PRPF4: variants seen among roughly 807,000 people sequenced by gnomAD.
PRPF4 encodes U4/U6 small nuclear ribonucleoprotein Prp4.
A neutral mutation model predicts 72.2 loss-of-function variants in PRPF4; 14 were observed. That is an observed-to-expected ratio of 0.19 (90% CI 0.13 to 0.30). PRPF4 has a LOEUF of 0.30. PRPF4 is among the 10% of genes least tolerant of loss of function. The pLI is 1.00. For missense variants in PRPF4, 478 were observed against 653.9 expected (o/e 0.73, Z 2.93); for synonymous variants, 225 against 232.2 (o/e 0.97, Z 0.28).
At chr9:113,278,918 T>C in intron 2 of PRPF4, 27 bp from the exon 3 acceptor site, 3 of 1,608,932 alleles carry the variant, frequency 1.9e-6, no homozygotes, top group Non-Finnish European at 2.6e-6. Flanking sequence ...GAAGATCTGC[T>C]GATGTTGCCT....
chr9:113,285,343 A>ATTTTTTTTTTTTTTTTTTTTTTT (rs71367713), intron 7 of PRPF4, among the ~76,000 whole-genome samples: 2 of 67,578 alleles, frequency 3.0e-5, no homozygotes, highest in Non-Finnish European at 5.9e-5. Context: ...GTCTCTACAA[A>ATTTTTTTTTTTTTTTTTTTTTTT]TTTTTTTTTT....
intron 3 of PRPF4, among the ~76,000 whole-genome samples, chr9:113,280,844 C>G (rs1010262554): frequency 6.6e-6 from 1 of 151,806 alleles, no homozygotes; most frequent in Non-Finnish European, 1.5e-5. Context: ...TTTTTTTCTT[C>G]CTTTTTTTTT....
At chr9:113,283,077 T>C in intron 4 of PRPF4, 55 bp from the exon 5 acceptor site, 3 of 1,612,084 alleles carry the variant, frequency 1.9e-6, no homozygotes, top group Non-Finnish European at 2.5e-6. Context: ...ATGACAGTTA[T>C]AAGAGGAGTA....
chr9:113,292,611 C>A lies in PRPF4; in HGVS notation c.*951C>A, dbSNP rs1395194989. ...TTGTCAGAAAATATCTTTTTTTTTACTTTGAAGTTTGGCAACCTTCATGTT... is the reference window on the plus strand; with the variant it reads ...TTGTCAGAAAATATCTTTTTTTTTAATTTGAAGTTTGGCAACCTTCATGTT... On this transcript the variant is annotated 3_prime_UTR_variant, in exon 14 of 14. Coordinates refer to ENST00000374198, the MANE Select transcript of PRPF4 (RefSeq NM_001244926.2). 2 of 152,010 alleles carry A rather than the reference C, an allele frequency of 1.3e-5. No individual in the cohort carries two copies. The highest frequency in any genetic ancestry group is 2.9e-5 in the Non-Finnish European group (2 of 67,978). 9.4% of individuals were successfully genotyped at this position (152,010 alleles called of 1,614,324 possible). A position where few individuals can be genotyped will look rare whatever the true frequency, so the allele number is the denominator to read the frequency against.
At chr9:113,284,180 G>C in intron 6 of PRPF4, 115 bp from the exon 7 acceptor site, 1 of 705,502 alleles carries the variant, frequency 1.4e-6, no homozygotes. Context: ...GAAGAATCTT[G>C]GGATGGGTTA....
chr9:113,286,316 C>T (rs370055409), intron 8 of PRPF4, 26 bp downstream of exon 8: 6 of 1,582,674 alleles, frequency 3.8e-6, no homozygotes, highest in South Asian at 1.1e-5. Flanking sequence ...ATCCAAATCT[C>T]GGTCTTTTTC....
intron 8 of PRPF4, 63 bp downstream of exon 8, chr9:113,286,353 ACT>A (rs1832449390): frequency 7.1e-7 from 1 of 1,405,730 alleles, no homozygotes; most frequent in Middle Eastern, 1.8e-4. Context: ...TAAGCCTTAA[ACT>A]CTGCTTGACA....
chr9:113,287,212 T>G (rs1015478875), intron 9 of PRPF4, among the ~76,000 whole-genome samples: 1 of 152,242 alleles, frequency 6.6e-6, no homozygotes, highest in African/African-American at 2.4e-5. Flanking sequence ...TGGATCTTGA[T>G]TTTTGTCTAT....
chr9:113,288,391 T>C, intron 10 of PRPF4, 127 bp downstream of exon 10: 1 of 839,566 alleles, frequency 1.2e-6, no homozygotes, highest in Non-Finnish European at 1.9e-6. Context: ...CTGCAGGGAA[T>C]TGGAATCAGA....
intron 7 of PRPF4, 93 bp downstream of exon 7, chr9:113,284,482 C>G (rs1832377229): frequency 1.9e-6 from 2 of 1,035,986 alleles, no homozygotes; most frequent in Middle Eastern, 4.1e-4. Context: ...TTTCTACGTC[C>G]TCTTTCTCTG....
chr9:113,286,250 C>G lies in PRPF4; in HGVS notation c.768C>G (p.Leu256=). 1 of 1,614,112 alleles carries G rather than the reference C, an allele frequency of 6.2e-7. No individual in the cohort carries two copies. Among genetic ancestry groups the G allele is most frequent in the Non-Finnish European group, 8.5e-7 (1 of 1,179,996 alleles). ...TTGATAGGAGTGGGCTTTGCAAGCTCTGGTCTGTTCCTGATTGCAACCTCC... is the reference window on the plus strand; with the variant it reads ...TTGATAGGAGTGGGCTTTGCAAGCTGTGGTCTGTTCCTGATTGCAACCTCC... ...ATACWSGLCK[L]WSVPDCNLLH... The change falls in exon 8 of 14, where the codon CTC becomes CTG. Residue 256 remains leucine (L), a synonymous_variant. Transcript: ENST00000374198.
intron 6 of PRPF4, among the ~76,000 whole-genome samples, chr9:113,283,793 A>G (rs531518662): frequency 6.6e-5 from 10 of 152,294 alleles, no homozygotes; most frequent in African/African-American, 2.4e-4. Flanking sequence ...ACATCTGGGC[A>G]CAGTGGCTCA....
chr9:113,282,813 T>A, intron 4 of PRPF4, 80 bp downstream of exon 4: 1 of 1,235,342 alleles, frequency 8.1e-7, no homozygotes, highest in Non-Finnish European at 1.2e-6. Context: ...TTTCAATGGT[T>A]TGTTTTGCTG....
In PRPF4 at chr9:113,286,221, G is replaced by A. The variant is rs1364245474; in HGVS notation, c.750-11G>A. The A allele has an allele frequency of 5.0e-6, 8 of 1,613,924 alleles. No homozygotes were observed. The highest frequency in any genetic ancestry group is 6.8e-6 in the Non-Finnish European group (8 of 1,179,954). On this transcript the variant is annotated splice_polypyrimidine_tract_variant and intron_variant, in intron 7 of 13. Transcript: ENST00000374198. ...AACCCTGGCTGAGATGCTTTCCTTTGTATTTGATAGGAGTGGGCTTTGCAA... is the reference window on the plus strand; with the variant it reads ...AACCCTGGCTGAGATGCTTTCCTTTATATTTGATAGGAGTGGGCTTTGCAA...
intron 13 of PRPF4, 66 bp from the exon 14 acceptor site, chr9:113,291,401 T>C (rs1588020568): frequency 1.4e-6 from 2 of 1,465,078 alleles, no homozygotes; most frequent in Non-Finnish European, 1.9e-6. Context: ...TGCAGACTTT[T>C]GTGCTTTTGT....
Position 113,283,458 on chromosome 9 carries a change from G to A in PRPF4, c.630G>A (p.Met210Ile). The A allele has an allele frequency of 6.2e-7, 1 of 1,614,080 alleles. No homozygotes were observed. The highest frequency in any genetic ancestry group is 2.2e-5 in the East Asian group (1 of 44,884). The change falls in exon 6 of 14, where the codon ATG (methionine) becomes ATA (isoleucine). Residue 210 changes from methionine to isoleucine, a missense_variant. Met to Ile is a conservative substitution (Grantham distance 10). Coordinates refer to ENST00000374198, the MANE Select transcript of PRPF4 (RefSeq NM_001244926.2). ...EIPETTRTSQ[M>I]QELHKSLRSL... is the part of the protein sequence containing the mutation. ...CTGAGACAACAAGGACCTCCCAGATGCAAGAGCTGCACAAGTCTCTCCGGG... is the reference window on the plus strand; with the variant it reads ...CTGAGACAACAAGGACCTCCCAGATACAAGAGCTGCACAAGTCTCTCCGGG...
rs548788481 is a variant in PRPF4, at chr9:113,290,177, G to A, written c.1023-289G>A. On this transcript the variant is annotated intron_variant, in intron 10 of 13. Coordinates refer to ENST00000374198, the MANE Select transcript of PRPF4 (RefSeq NM_001244926.2). ...GGAGGTTGCAGTGAGCCAAGATTGCGCCACTGTGCTCCAGGCTGGGCAACA... is the reference window on the plus strand; with the variant it reads ...GGAGGTTGCAGTGAGCCAAGATTGCACCACTGTGCTCCAGGCTGGGCAACA... Among the ~76,000 whole-genome samples the A allele has an allele frequency of 1.9e-4, 29 of 151,702 alleles. 1 individual carries two copies. The highest frequency in any genetic ancestry group is 4.2e-4 in the South Asian group (2 of 4,802).
chr9:113,275,803 A>T, intron 1 of PRPF4, 33 bp downstream of exon 1: 1 of 1,609,122 alleles, frequency 6.2e-7, no homozygotes, highest in Non-Finnish European at 8.5e-7. Flanking sequence ...TCACTCTGGC[A>T]GGGAGCGCTA....
In PRPF4 at chr9:113,291,775, G is replaced by T. The variant is rs530945489; in HGVS notation, c.*115G>T. 2.9e-6 allele frequency: 3 copies of T among 1,041,998 alleles called. No homozygotes were observed. The African/African-American group carries it at 4.8e-5, about 17-fold the overall frequency. The allele number at this position is 1,041,998 out of a possible 1,614,324, so 64.5% of individuals were successfully genotyped here. On this transcript the variant is annotated 3_prime_UTR_variant, in exon 14 of 14. Coordinates refer to ENST00000374198, the MANE Select transcript of PRPF4 (RefSeq NM_001244926.2). ...TGTTTTCTGCCAATTACCATGCATA[G>T]ACCCTCAGTAGAATTGGATTTCCAT... is the stretch of plus-strand genomic sequence containing the variant.
Sources: allele counts gnomAD v4.1 joint callset (sites outside exome capture counted in the v4.1 genomes callset), GRCh38; gene constraint gnomAD v4.1.1; transcripts MANE v1.5; gene names NCBI Gene and HGNC (gene_info 2026-07-23, HGNC 2026-07-21).